The following MALT1 variants were observed in gnomAD, a reference collection of about 807,000 sequenced individuals.
MALT1 encodes the protein mucosa-associated lymphoid tissue lymphoma translocation protein 1.
MALT1 carries 36 observed loss-of-function variants against 85.5 expected under a neutral mutation model. That is an observed-to-expected ratio of 0.42 (90% CI 0.32 to 0.56). MALT1 has a LOEUF of 0.56. Ranked by LOEUF, MALT1 falls within the 20% of genes least tolerant of loss-of-function variation. The probability of loss-of-function intolerance (pLI) is 0.10; values close to 1 mark genes in which losing one functional copy is unlikely to be tolerated. For synonymous variants in MALT1, 359 were observed against 361.3 expected (o/e 0.99, Z 0.07); for missense variants, 716 against 981.6 (o/e 0.73, Z 3.62).
At chr18:58,696,287 A>C (rs978273929) in intron 2 of MALT1, 79 bp from the exon 3 acceptor site, 3 of 1,144,604 alleles carry the variant, frequency 2.6e-6, no homozygotes, top group Non-Finnish European at 3.4e-6. Context: ...AAAATGTTTC[A>C]ATTTTTGGTT....
At chr18:58,676,886 A>G (rs1273572957) in intron 1 of MALT1, among the ~76,000 whole-genome samples, 1 of 152,236 alleles carries the variant, frequency 6.6e-6, no homozygotes, top group Non-Finnish European at 1.5e-5. Flanking sequence ...AAATGTACCA[A>G]GAGGAGAAGC....
intron 13 of MALT1, among the ~76,000 whole-genome samples, chr18:58,737,479 CAAAAA>C (rs778635527): frequency 9.8e-6 from 1 of 102,552 alleles, no homozygotes; most frequent in Non-Finnish European, 2.2e-5. Context: ...AGCCCCATCT[CAAAAA>C]AAAAAAAAAA....
chr18:58,716,218 C>T (rs1281035022), intron 9 of MALT1, among the ~76,000 whole-genome samples: 2 of 152,042 alleles, frequency 1.3e-5, no homozygotes, highest in Non-Finnish European at 2.9e-5. Context: ...AACAGACATG[C>T]GTACAAAAAG....
intron 13 of MALT1, 33 bp from the exon 14 acceptor site, chr18:58,741,832 C>G (rs773356400): frequency 7.4e-7 from 1 of 1,352,762 alleles, no homozygotes; most frequent in South Asian, 1.7e-5. Flanking sequence ...AATTGGTGGT[C>G]TTAAAAATAA....
chr18:58,723,142 C>T lies in MALT1; in HGVS notation c.1113C>T (p.Asn371=), dbSNP rs752259390. Residue 371 remains asparagine (N), a synonymous_variant, in exon 10 of 17, where the codon AAC becomes AAT. Transcript: ENST00000649217. ...APLVDVYELT[N]LLRQLDFKVV... The stretch of plus-strand genomic sequence containing the variant: ...TGGTGGATGTGTACGAATTGACTAA[C>T]TTACTGAGACAGCTGGACTTCAAAG... The T allele has an allele frequency of 6.2e-7, 1 of 1,613,844 alleles. No homozygotes were observed. Among genetic ancestry groups the T allele is most frequent in the Non-Finnish European group, 8.5e-7 (1 of 1,179,912 alleles).
intron 2 of MALT1, among the ~76,000 whole-genome samples, chr18:58,686,056 C>T (rs896055506): frequency 1.3e-5 from 2 of 152,040 alleles, no homozygotes; most frequent in South Asian, 4.1e-4. Context: ...CTTTTTGAGT[C>T]TCACTCTGTC....
intron 6 of MALT1, among the ~76,000 whole-genome samples, chr18:58,710,623 TTAAAAA>T (rs1409677069): frequency 6.6e-6 from 1 of 151,848 alleles, no homozygotes; most frequent in African/African-American, 2.4e-5. Context: ...GGAGGTTGAA[TTAAAAA>T]TAATAATAAT....
intron 7 of MALT1, among the ~76,000 whole-genome samples, chr18:58,713,373 CACCTTGAGAAACT>C (rs572504450): frequency 5.7e-4 from 87 of 152,254 alleles, no homozygotes; most frequent in Middle Eastern, 3.4e-3. Context: ...AAACACCTTA[CACCTTGAGAAACT>C]ATGAATCTAA....
chr18:58,686,122 G>C (rs930902357), intron 2 of MALT1, among the ~76,000 whole-genome samples: 1 of 152,016 alleles, frequency 6.6e-6, no homozygotes, highest in Non-Finnish European at 1.5e-5. Context: ...CATCTCCCAG[G>C]TTCAAGCGAT....
intron 13 of MALT1, 123 bp downstream of exon 13, chr18:58,735,452 C>A: frequency 1.1e-6 from 1 of 899,832 alleles, no homozygotes; most frequent in Non-Finnish European, 1.6e-6. Flanking sequence ...TTAGTACCTA[C>A]TTTATAAAAC....
At chr18:58,700,649 T>G (rs570368878) in intron 4 of MALT1, 58 bp downstream of exon 4, 2 of 1,426,538 alleles carry the variant, frequency 1.4e-6, no homozygotes, top group East Asian at 5.2e-5. Flanking sequence ...TTATTTTATT[T>G]TAAATGTTTA....
In MALT1 at chr18:58,747,766, G is replaced by C; in HGVS notation, c.2399G>C (p.Arg800Thr). 1 of 1,614,084 alleles carries C rather than the reference G, an allele frequency of 6.2e-7. No homozygotes were observed. ...FAHHASCHFS[R>T]SNVPVETTDE... ...CACCATGCTTCATGTCATTTTAGTA[G>C]AAGTAATGTGCCAGTAGAGACAACT... Residue 800 changes from arginine to threonine, a missense_variant, in exon 17 of 17, where the codon AGA becomes ACA. Transcript: ENST00000649217.
chr18:58,733,582 T>G lies in MALT1; in HGVS notation c.1400+8T>G, dbSNP rs1040562440. The G allele has an allele frequency of 6.4e-7, 1 of 1,560,164 alleles. No homozygotes were observed. Among genetic ancestry groups the G allele is most frequent in the Non-Finnish European group, 8.7e-7 (1 of 1,147,844 alleles). ...GGATATGTGTAGGAAAAGGTAAGTT[T>G]TCTAATCTTTATTAAAGAATTGTTG... On this transcript the variant is annotated splice_region_variant and intron_variant, in intron 11 of 16. Transcript: ENST00000649217.
In MALT1 at chr18:58,735,343, TAAAGAG is replaced by T; in HGVS notation, c.1603+18_1603+23del. The T allele has an allele frequency of 6.3e-7, 1 of 1,587,220 alleles. No homozygotes were observed. The highest frequency in any genetic ancestry group is 8.5e-7 in the Non-Finnish European group (1 of 1,174,374). ...AAGTTGCAGAAGGTAAAATAAAAAA[TAAAGAG>T]AAAAGTACTCAGAAAAAGGAGAGCA... On this transcript the variant is annotated intron_variant, in intron 13 of 16. Transcript: ENST00000649217.
In MALT1 at chr18:58,734,226, T is replaced by A; in HGVS notation, c.1401-81T>A. ...TATGTATTCTAAAAAACTGTTGTATTTTCTCATTATTTATACCCTTTTAAG... is the reference window on the plus strand; with the variant it reads ...TATGTATTCTAAAAAACTGTTGTATATTCTCATTATTTATACCCTTTTAAG... On this transcript the variant is annotated intron_variant, in intron 11 of 16. Transcript: ENST00000649217. The A allele has an allele frequency of 3.5e-6, 4 of 1,148,752 alleles. No homozygotes were observed. The South Asian group carries it at 5.8e-5, about 17-fold the overall frequency. The allele number at this position is 1,148,752 out of a possible 1,614,324, so 71.2% of individuals were successfully genotyped here.
chr18:58,673,924 G>A (rs1444902501), intron 1 of MALT1: 3 of 146,636 alleles, frequency 2.0e-5, no homozygotes, highest in East Asian at 2.0e-4. Context: ...GGAAAAACAC[G>A]TTGGGCTTTT....
rs2055448614 is a variant in MALT1 at position 58,751,668 on chromosome 18, AGAT to A, written c.*3830_*3832del. ...GATTTACACAAGTGGAATTTAGAAA[AGAT>A]GATAATCTATCAAATCTGTCAATAC... is the stretch of plus-strand genomic sequence containing the variant. On this transcript the variant is annotated 3_prime_UTR_variant, in exon 17 of 17. Coordinates refer to ENST00000649217, the MANE Select transcript of MALT1 (RefSeq NM_006785.4). 1 of 152,346 alleles carries A rather than the reference AGAT, an allele frequency of 6.6e-6. No homozygotes were observed. Among genetic ancestry groups the A allele is most frequent in the African/African-American group, 2.4e-5 (1 of 41,578 alleles). 9.4% of individuals were successfully genotyped at this position (152,346 alleles called of 1,614,324 possible). A position where few individuals can be genotyped will look rare whatever the true frequency, so the allele number is the denominator to read the frequency against.
chr18:58,734,701 C>T (rs2055201220), intron 12 of MALT1: 3 of 261,812 alleles, frequency 1.1e-5, no homozygotes, highest in African/African-American at 6.5e-5. Context: ...TCGACTTTAG[C>T]ATTCCATATC....
chr18:58,685,979 TATAG>T (rs1221379179), intron 2 of MALT1, among the ~76,000 whole-genome samples: 2 of 152,122 alleles, frequency 1.3e-5, no homozygotes, highest in African/African-American at 2.4e-5. Context: ...TTGACATCTG[TATAG>T]ATAGACTTAG....
Sources: gnomAD v4.1 joint callset for allele counts (sites outside exome capture counted in the v4.1 genomes callset) on GRCh38, gnomAD v4.1.1 for gene constraint, MANE v1.5 for transcripts, NCBI Gene and HGNC (gene_info 2026-07-23, HGNC 2026-07-21) for gene names.